OASL: variants seen among roughly 807,000 people sequenced by gnomAD.
OASL encodes 2'-5'-oligoadenylate synthase-like protein.
Under a neutral mutation model 35.3 loss-of-function variants are expected in OASL, and 28 were observed. The ratio of observed to expected loss-of-function variants is 0.79; its 90% CI spans 0.59 to 1.09. The LOEUF (loss-of-function observed/expected upper bound fraction) is 1.09, where lower values mean the gene tolerates loss of function less well. Among genes scored for constraint, OASL ranks in the 50% least tolerant of loss-of-function variants. The pLI, the probability that OASL is intolerant of heterozygous loss-of-function variation, is 0.00. For missense variants in OASL, 620 were observed against 635.2 expected (o/e 0.98, Z 0.26); for synonymous variants, 252 against 254.6 (o/e 0.99, Z 0.10).
At chr12:121,027,883 AC>A (rs1592935307) in intron 3 of OASL, 66 bp from the exon 4 acceptor site, 2 of 1,423,640 alleles carry the variant, frequency 1.4e-6, no homozygotes, top group Non-Finnish European at 2.0e-6. Flanking sequence ...ATGGCGTTGG[AC>A]CAGAAGCTGA....
chr12:121,038,144 G>GC (rs1426061628), intron 1 of OASL, among the ~76,000 whole-genome samples: 1 of 151,802 alleles, frequency 6.6e-6, no homozygotes, highest in African/African-American at 2.4e-5. Context: ...AAAAATAGAT[G>GC]ATACAACTAA....
intron 2 of OASL, 33 bp from the exon 3 acceptor site, chr12:121,031,650 G>A (rs1460476758): frequency 1.3e-6 from 2 of 1,594,550 alleles, no homozygotes; most frequent in South Asian, 1.1e-5. Context: ...AAGAGATTGG[G>A]GATTGAGGAA....
At chr12:121,026,172 G>T (rs115005894) in intron 4 of OASL, among the ~76,000 whole-genome samples, 71 of 152,308 alleles carry the variant, frequency 4.7e-4, no homozygotes, top group African/African-American at 1.7e-3. Flanking sequence ...AAGTGCTGTA[G>T]TTCATGAGAG....
chr12:121,039,122 G>T, exon 1 of OASL: 1 of 645,786 alleles, frequency 1.5e-6, no homozygotes, highest in Non-Finnish European at 2.7e-6. Context: ...GAAACCAGGT[G>T]TGACGGGCTG....
intron 1 of OASL, among the ~76,000 whole-genome samples, chr12:121,037,517 G>C (rs933118842): frequency 4.0e-4 from 61 of 152,264 alleles, no homozygotes; most frequent in South Asian, 1.5e-3. Flanking sequence ...GTGGCTCACT[G>C]TAATCCCAGC....
chr12:121,035,496 G>T (rs1386120336), intron 1 of OASL, among the ~76,000 whole-genome samples: 1 of 150,118 alleles, frequency 6.7e-6, no homozygotes, highest in Non-Finnish European at 1.5e-5. Flanking sequence ...CTACACTCCA[G>T]CCTGGGCGAC....
chr12:121,027,372 C>T (rs1399778411), intron 4 of OASL, among the ~76,000 whole-genome samples: 3 of 152,230 alleles, frequency 2.0e-5, no homozygotes, highest in Non-Finnish European at 2.9e-5. Context: ...AAGGAACAGG[C>T]TTCTACCCGC....
At chr12:121,035,502 G>T (rs1468639837) in intron 1 of OASL, among the ~76,000 whole-genome samples, 1 of 146,580 alleles carries the variant, frequency 6.8e-6, no homozygotes, top group Non-Finnish European at 1.5e-5. Flanking sequence ...TCCAGCCTGG[G>T]CGACACAGCG....
intron 5 of OASL, chr12:121,023,737 A>G (rs948359306): frequency 7.2e-6 from 3 of 415,162 alleles, no homozygotes; most frequent in Non-Finnish European, 1.3e-5. Flanking sequence ...TCAGGAACAC[A>G]GAACTGATTC....
At position 121,022,290 on chromosome 12, in the gene OASL, T is replaced by C. The variant is rs967538849; in HGVS notation, c.1048-1232A>G. The stretch of plus-strand genomic sequence containing the variant: ...TTAGTAGAGATGAGGTTTTACCATG[T>C]TGGCCAGGATGGTTTCGATCTCTTG... On this transcript the variant is annotated intron_variant, in intron 5 of 5. Coordinates refer to ENST00000257570, the Ensembl canonical transcript of OASL. 2.0e-5 allele frequency among the ~76,000 whole-genome samples: 3 copies of C among 152,114 alleles called. No homozygotes were observed. In the South Asian group the frequency reaches 6.2e-4, roughly 32 times the overall value.
At chr12:121,018,344 G>A (rs1265659066), downstream of OASL, among the ~76,000 whole-genome samples, 3 of 152,028 alleles carry the variant, frequency 2.0e-5, no homozygotes, top group East Asian at 5.8e-4. Flanking sequence ...CCCGGATGAC[G>A]TCTCTCTCGG....
chr12:121,020,316 G>T, exon 6 of OASL: 2 of 388,270 alleles, frequency 5.2e-6, no homozygotes, highest in South Asian at 3.9e-5. Flanking sequence ...TTTTTATTTT[G>T]TAGAGACGGG....
intron 4 of OASL, among the ~76,000 whole-genome samples, chr12:121,025,590 C>T (rs766889066): frequency 6.6e-6 from 1 of 151,678 alleles, no homozygotes; most frequent in Admixed American, 6.6e-5. Flanking sequence ...CATGGTGAAA[C>T]CGTGTCTCTA....
chr12:121,033,258 C>CAA (rs1869813761), intron 2 of OASL, among the ~76,000 whole-genome samples: 1 of 152,072 alleles, frequency 6.6e-6, no homozygotes, highest in Non-Finnish European at 1.5e-5. Context: ...ATTCTTTGGT[C>CAA]AATTTCTGTA....
chr12:121,038,867 G>A (rs200293050), exon 1 of OASL: 64 of 1,614,062 alleles, frequency 4.0e-5, no homozygotes, highest in East Asian at 2.9e-4. Context: ...TCCGCACAGC[G>A]TCTAGCACCT....
chr12:121,037,500 G>A (rs1022716493), intron 1 of OASL, among the ~76,000 whole-genome samples: 1 of 152,050 alleles, frequency 6.6e-6, no homozygotes, highest in African/African-American at 2.4e-5. Context: ...ATTTTAGGCC[G>A]AGTGCAGTGG....
At chr12:121,033,369 T>C (rs1420997109) in intron 2 of OASL, 92 bp downstream of exon 2, 5 of 1,244,306 alleles carry the variant, frequency 4.0e-6, no homozygotes, top group Non-Finnish European at 5.7e-6. Context: ...TAAATGTGGG[T>C]GTGTGCACGT....
intron 5 of OASL, among the ~76,000 whole-genome samples, chr12:121,023,308 G>A: frequency 9.3e-6 from 1 of 107,886 alleles, no homozygotes; most frequent in South Asian, 2.9e-4. Context: ...TTTTTTTTGA[G>A]GCAGAGTTTC....
At position 121,032,907 on chromosome 12, in the gene OASL, ATGTTTTTTTGTT is replaced by A. The variant is rs144846041; in HGVS notation, c.481+542_481+553del. On this transcript the variant is annotated intron_variant, in intron 2 of 5. Transcript: ENST00000257570. ...CTGAGCATTTACACCATTTGCAATC[ATGTTTTTTTGTT>A]TGTTTTTTTGTTTTTTGTTTTTTTG... 3.4e-3 allele frequency among the ~76,000 whole-genome samples: 523 copies of A among 151,668 alleles called. 3 individuals are homozygous for A. Among genetic ancestry groups the A allele is most frequent in the African/African-American group, 0.011 (473 of 41,362 alleles).
Sources: gnomAD v4.1 joint callset for allele counts (sites outside exome capture counted in the v4.1 genomes callset) on GRCh38, gnomAD v4.1.1 for gene constraint, MANE v1.5 for transcripts, NCBI Gene and HGNC (gene_info 2026-07-23, HGNC 2026-07-21) for gene names.